Variants in SIL1 observed in about 807,000 individuals in gnomAD.
SIL1 encodes the protein nucleotide exchange factor SIL1.
A neutral mutation model predicts 49.1 loss-of-function variants in SIL1; 40 were observed. The observed-to-expected ratio is 0.81, with a 90% CI of 0.63 to 1.06. SIL1 has a LOEUF of 1.06. Among genes scored for constraint, SIL1 ranks in the 50% least tolerant of loss-of-function variants. The pLI, the probability that SIL1 is intolerant of heterozygous loss-of-function variation, is 0.00. For synonymous variants in SIL1, 253 were observed against 250.8 expected (o/e 1.01, Z -0.08); for missense variants, 500 against 572.6 (o/e 0.87, Z 1.29).
At chr5:139,111,006 T>A (rs1223101950) in intron 3 of SIL1, among the ~76,000 whole-genome samples, 1 of 152,196 alleles carries the variant, frequency 6.6e-6, no homozygotes, top group Non-Finnish European at 1.5e-5. Flanking sequence ...GGGCTCAGAT[T>A]ACTCAAGGAA....
chr5:139,105,092 TG>T (rs1190060183), intron 3 of SIL1, among the ~76,000 whole-genome samples: 4 of 152,116 alleles, frequency 2.6e-5, no homozygotes, highest in Admixed American at 1.3e-4. Context: ...CAAAATTTAC[TG>T]GATGGCAGGA....
chr5:139,166,970 G>A (rs528841788), intron 1 of SIL1, among the ~76,000 whole-genome samples: 8 of 151,766 alleles, frequency 5.3e-5, no homozygotes, highest in East Asian at 1.9e-4. Flanking sequence ...CACCACGCCC[G>A]GCTAATTATT....
At chr5:139,124,099 G>A (rs1404973160) in intron 2 of SIL1, among the ~76,000 whole-genome samples, 2 of 152,122 alleles carry the variant, frequency 1.3e-5, no homozygotes, top group Non-Finnish European at 2.9e-5. Context: ...CTGGCAGGCT[G>A]TAAGCAAGCA....
chr5:139,174,018 A>T (rs1364191097), intron 1 of SIL1, among the ~76,000 whole-genome samples: 1 of 151,750 alleles, frequency 6.6e-6, no homozygotes, highest in South Asian at 2.1e-4. Flanking sequence ...TAACTTTACA[A>T]TTTAAGGAAC....
chr5:138,994,814 C>T (rs943731272), intron 7 of SIL1, among the ~76,000 whole-genome samples: 1 of 152,168 alleles, frequency 6.6e-6, no homozygotes, highest in Non-Finnish European at 1.5e-5. Context: ...GTATTAAGCC[C>T]TGCATGCATT....
At chr5:139,042,374 G>A (rs1769066282) in intron 5 of SIL1, among the ~76,000 whole-genome samples, 1 of 152,148 alleles carries the variant, frequency 6.6e-6, no homozygotes, top group Non-Finnish European at 1.5e-5. Context: ...TCCAAACATG[G>A]GGAGCTGTTT....
chr5:139,070,672 C>G (rs545354826), intron 3 of SIL1, among the ~76,000 whole-genome samples: 32 of 152,132 alleles, frequency 2.1e-4, no homozygotes, highest in African/African-American at 6.7e-4. Context: ...ACAATTTCAA[C>G]TTCAATAAAA....
intron 1 of SIL1, among the ~76,000 whole-genome samples, chr5:139,152,427 CCTGGCCAA>C: frequency 6.6e-6 from 1 of 151,946 alleles, no homozygotes. Flanking sequence ...TCGAGACCAG[CCTGGCCAA>C]CATGGTGAAA....
At chr5:139,068,061 A>G (rs1003754758) in intron 3 of SIL1, among the ~76,000 whole-genome samples, 7 of 152,242 alleles carry the variant, frequency 4.6e-5, no homozygotes, top group Non-Finnish European at 8.8e-5. Flanking sequence ...CACTAAAACT[A>G]AGCAAAAATA....
chr5:139,104,177 G>A (rs1467068093), intron 3 of SIL1, among the ~76,000 whole-genome samples: 1 of 152,354 alleles, frequency 6.6e-6, no homozygotes, highest in East Asian at 1.9e-4. Flanking sequence ...GTAGCTGTGA[G>A]CCTTTAAAGA....
At chr5:139,027,426 CCAA>C (rs939546524) in intron 5 of SIL1, among the ~76,000 whole-genome samples, 8 of 152,190 alleles carry the variant, frequency 5.3e-5, no homozygotes, top group African/African-American at 1.9e-4. Flanking sequence ...CCTACCCAAT[CCAA>C]CAACATTTTA....
In SIL1 at chr5:138,947,099, C is replaced by T; in HGVS notation, c.*18G>A. 6.3e-7 allele frequency: 1 copy of T among 1,598,040 alleles called. No individual in the cohort carries two copies. Among genetic ancestry groups the T allele is most frequent in the Non-Finnish European group, 8.6e-7 (1 of 1,168,086 alleles). On this transcript the variant is annotated 3_prime_UTR_variant, in exon 10 of 10. Coordinates refer to ENST00000394817, the MANE Select transcript of SIL1 (RefSeq NM_022464.5). This position sits in a 1 kb window ranked among gnomAD's most constrained non-coding sequence, Gnocchi z 4.1. The stretch of plus-strand genomic sequence containing the variant: ...CAGCCTCACTAGCGGCATCCCAGTC[C>T]AGTCCTGGTGTGGGGCCTCATCTCA...
chr5:138,956,258 G>A (rs1373960727), intron 7 of SIL1, among the ~76,000 whole-genome samples: 1 of 152,230 alleles, frequency 6.6e-6, no homozygotes, highest in East Asian at 1.9e-4. Context: ...ATGAAGTGCA[G>A]CTCACCTTCT....
At chr5:139,186,277 T>G (rs761124007) in intron 1 of SIL1, among the ~76,000 whole-genome samples, 49 of 152,222 alleles carry the variant, frequency 3.2e-4, no homozygotes, top group Admixed American at 5.2e-4. Flanking sequence ...AGAGATTAAG[T>G]CACTACCCAC....
At position 139,121,139 on chromosome 5, in the gene SIL1, C is replaced by T; in HGVS notation, c.140G>A (p.Ser47Asn). 1 of 1,614,180 alleles carries T rather than the reference C, an allele frequency of 6.2e-7. No homozygotes were observed. The highest frequency in any genetic ancestry group is 8.5e-7 in the Non-Finnish European group (1 of 1,180,026). Residue 47 changes from serine (S) to asparagine (N), a missense_variant, in exon 3 of 10, where the codon AGC becomes AAC. Transcript: ENST00000394817. Reference sequence around the variant, plus strand: ...TTCTTTTCTCTCTGTTTCTTTGGTGCTGCTCTTCTCTGGGTTGGTCAGGGC... The same window carrying T: ...TTCTTTTCTCTCTGTTTCTTTGGTGTTGCTCTTCTCTGGGTTGGTCAGGGC... ...EFALTNPEKSSTKETERKETK... is the reference protein window; with the variant it reads ...EFALTNPEKSNTKETERKETK...
chr5:139,015,271 A>G (rs1050179079), intron 7 of SIL1, among the ~76,000 whole-genome samples: 16 of 152,350 alleles, frequency 1.1e-4, no homozygotes, highest in African/African-American at 3.6e-4. Flanking sequence ...GGAGATTAAC[A>G]GTAAACAGGT....
chr5:139,106,552 T>C (rs1308628591), intron 3 of SIL1, among the ~76,000 whole-genome samples: 3 of 152,206 alleles, frequency 2.0e-5, no homozygotes, highest in Non-Finnish European at 4.4e-5. Context: ...TTTTTTAGCA[T>C]TGATTTTTTT....
chr5:138,992,318 G>A lies in SIL1; in HGVS notation c.767+28853C>T, dbSNP rs145372190. Among the ~76,000 whole-genome samples, 513 of 152,300 alleles carry A rather than the reference G, an allele frequency of 3.4e-3. 3 individuals are homozygous for A. The highest frequency in any genetic ancestry group is 0.012 in the African/African-American group (499 of 41,566). On this transcript the variant is annotated intron_variant, in intron 7 of 9. Transcript: ENST00000394817. The stretch of plus-strand genomic sequence containing the variant: ...GAGTCTGCTAGCTCTTCAAACTATA[G>A]AAAGAACATGGGCTTTGACATCAAT...
At chr5:138,952,550 C>A (rs557972202) in intron 7 of SIL1, among the ~76,000 whole-genome samples, 1 of 152,372 alleles carries the variant, frequency 6.6e-6, no homozygotes, top group African/African-American at 2.4e-5. Flanking sequence ...TCTCAGCACT[C>A]AGCACAGAGC....
Sources: allele counts gnomAD v4.1 joint callset (sites outside exome capture counted in the v4.1 genomes callset), GRCh38; gene constraint gnomAD v4.1.1; non-coding constraint Gnocchi (gnomAD v3.1); transcripts MANE v1.5; gene names NCBI Gene and HGNC (gene_info 2026-07-23, HGNC 2026-07-21).